Variants in ZC3HAV1 observed in about 807,000 individuals in gnomAD.
ZC3HAV1 encodes the protein zinc finger CCCH-type containing, antiviral 1.
ZC3HAV1 carries 41 observed loss-of-function variants against 86.6 expected under a neutral mutation model. The ratio of observed to expected loss-of-function variants is 0.47; its 90% CI spans 0.37 to 0.61. ZC3HAV1 has a LOEUF of 0.61. Ranked by LOEUF, ZC3HAV1 falls within the 20% of genes least tolerant of loss-of-function variation. ZC3HAV1 has a pLI of 0.00. For missense variants in ZC3HAV1, 964 were observed against 1,141.1 expected (o/e 0.84, Z 2.24); for synonymous variants, 421 against 432.1 (o/e 0.97, Z 0.32).
rs1818019028 is a variant in ZC3HAV1 at position 139,108,934 on chromosome 7, G to A, written c.308+90C>T. The A allele has an allele frequency of 1.3e-5, 19 of 1,432,146 alleles. No individual in the cohort carries two copies. In the South Asian group the frequency reaches 2.6e-4, roughly 20 times the overall value. 88.7% of individuals were successfully genotyped at this position (1,432,146 alleles called of 1,614,324 possible). On this transcript the variant is annotated intron_variant, in intron 1 of 12. Coordinates refer to ENST00000242351, the MANE Select transcript of ZC3HAV1 (RefSeq NM_020119.4). The surrounding 1 kb of genome is among the most constrained non-coding windows in gnomAD (Gnocchi z 4.2). Reference sequence around the variant, plus strand: ...AGGCTGTCAGGTGCGGGGTCCCGGCGAAGCCGTGCCCCTCCCAGAACATTG... The same window carrying A: ...AGGCTGTCAGGTGCGGGGTCCCGGCAAAGCCGTGCCCCTCCCAGAACATTG...
intron 2 of ZC3HAV1, among the ~76,000 whole-genome samples, chr7:139,089,015 T>A (rs1311351082): frequency 2.7e-5 from 4 of 147,802 alleles, no homozygotes; most frequent in Non-Finnish European, 3.0e-5. Context: ...GGCAGGAGAA[T>A]TGCTTAAACC....
At chr7:139,064,161 A>G (rs1205088668) in intron 8 of ZC3HAV1, among the ~76,000 whole-genome samples, 2 of 152,266 alleles carry the variant, frequency 1.3e-5, no homozygotes, top group African/African-American at 4.8e-5. Context: ...TAAGCGGTAC[A>G]GGATCCAACT....
rs781290359 is a variant in ZC3HAV1 at position 139,045,120 on chromosome 7, G to A, written c.*2474C>T. 1 of 152,010 alleles carries A rather than the reference G, an allele frequency of 6.6e-6. No homozygotes were observed. Among genetic ancestry groups the A allele is most frequent in the African/African-American group, 2.4e-5 (1 of 41,368 alleles). 9.4% of individuals were successfully genotyped at this position (152,010 alleles called of 1,614,324 possible). A position where few individuals can be genotyped will look rare whatever the true frequency, so the allele number is the denominator to read the frequency against. ...TTATTTCCTCTTTATGTTCATATTA[G>A]TTTTATTTAATTTTTAATTTATTTC... On this transcript the variant is annotated 3_prime_UTR_variant, in exon 13 of 13. Coordinates refer to ENST00000242351, the MANE Select transcript of ZC3HAV1 (RefSeq NM_020119.4).
intron 7 of ZC3HAV1, among the ~76,000 whole-genome samples, chr7:139,067,172 T>A (rs1003166251): frequency 6.6e-6 from 1 of 151,808 alleles, no homozygotes; most frequent in Non-Finnish European, 1.5e-5. Context: ...TTTCAGGGTG[T>A]CCCTTTCCCT....
chr7:139,051,527 C>G (rs547122902), intron 12 of ZC3HAV1, among the ~76,000 whole-genome samples: 1 of 152,074 alleles, frequency 6.6e-6, no homozygotes, highest in Non-Finnish European at 1.5e-5. Context: ...CCACCTCACC[C>G]TGCTGAGTAG....
rs1283481569 is a variant in ZC3HAV1, at chr7:139,073,969, G to A, written c.1759C>T (p.Arg587Ter). Residue 587 changes from arginine (R) to a stop codon, truncating the protein, a stop_gained, in exon 7 of 13, where the codon CGA (arginine) becomes TGA (stop). Transcript: ENST00000242351. LOFTEE classifies it high-confidence loss of function. The stretch of plus-strand genomic sequence containing the variant: ...ACAGAAGAAGGAGTGGAGAGGCGTC[G>A]GATGGGAAAGGAATCACAACTCATT... ...RVMSCDSFPI[R>*]RLSTPSSVTK... is the part of the protein sequence containing the mutation. 7 of 1,613,784 alleles carry A rather than the reference G, an allele frequency of 4.3e-6. No individual in the cohort carries two copies. The highest frequency in any genetic ancestry group is 1.7e-5 in the Admixed American group (1 of 60,000).
At chr7:139,049,094 C>CTTT in intron 12 of ZC3HAV1, among the ~76,000 whole-genome samples, 1 of 146,456 alleles carries the variant, frequency 6.8e-6, no homozygotes, top group Non-Finnish European at 1.5e-5. Context: ...AGAAATCTTG[C>CTTT]TATGTCAGTA....
chr7:139,079,019 G>T, intron 4 of ZC3HAV1: 1 of 1,494,870 alleles, frequency 6.7e-7, no homozygotes, highest in Non-Finnish European at 8.9e-7. Context: ...TAAGAACTGG[G>T]GAACATCCAA....
At chr7:139,076,184 C>T in intron 6 of ZC3HAV1, 102 bp downstream of exon 6, 1 of 1,533,086 alleles carries the variant, frequency 6.5e-7, no homozygotes, top group South Asian at 1.2e-5. Context: ...GAATGGGATT[C>T]TGATGGAAAA....
At chr7:139,058,964 C>G (rs1005863547) in intron 9 of ZC3HAV1, among the ~76,000 whole-genome samples, 2 of 151,902 alleles carry the variant, frequency 1.3e-5, no homozygotes, top group African/African-American at 2.4e-5. Flanking sequence ...TTGAGACTAA[C>G]TGGGAGTATC....
intron 1 of ZC3HAV1, among the ~76,000 whole-genome samples, chr7:139,098,142 G>A (rs985139157): frequency 2.1e-4 from 32 of 151,856 alleles, no homozygotes; most frequent in African/African-American, 7.7e-4. Context: ...TAGAGATGGG[G>A]TTCCACCATC....
chr7:139,096,807 C>T (rs984465038), intron 1 of ZC3HAV1, among the ~76,000 whole-genome samples: 3 of 152,104 alleles, frequency 2.0e-5, no homozygotes, highest in Non-Finnish European at 4.4e-5. Context: ...GTGGTTTGAC[C>T]CCTGCAAATG....
At chr7:139,102,564 G>A (rs1038791688) in intron 1 of ZC3HAV1, among the ~76,000 whole-genome samples, 9 of 152,088 alleles carry the variant, frequency 5.9e-5, no homozygotes, top group African/African-American at 2.2e-4. Context: ...ATAAATGGAG[G>A]CTTGGATACA....
chr7:139,090,086 A>C (rs1364022406), intron 1 of ZC3HAV1, among the ~76,000 whole-genome samples: 1 of 151,628 alleles, frequency 6.6e-6, no homozygotes, highest in Non-Finnish European at 1.5e-5. Context: ...CACCCGGCTA[A>C]TTTTTTGTAT....
At chr7:139,072,940 C>T (rs139586940) in intron 7 of ZC3HAV1, among the ~76,000 whole-genome samples, 1,669 of 152,288 alleles carry the variant, frequency 0.011, 29 homozygotes, top group African/African-American at 0.038. Context: ...GTTCCACCCT[C>T]CCCTCTCATG....
chr7:139,065,172 A>G (rs949584175), intron 7 of ZC3HAV1, among the ~76,000 whole-genome samples, 173 bp from the exon 8 acceptor site: 5 of 152,184 alleles, frequency 3.3e-5, no homozygotes, highest in African/African-American at 1.2e-4. Flanking sequence ...GGTCTTCTCT[A>G]TCATGGTACC....
chr7:139,065,392 G>A (rs963380857), intron 7 of ZC3HAV1, among the ~76,000 whole-genome samples: 6 of 152,134 alleles, frequency 3.9e-5, no homozygotes, highest in African/African-American at 1.4e-4. Flanking sequence ...GAACATCGTG[G>A]GCTATTCTAG....
Position 139,109,047 on chromosome 7 carries a change from C to A in ZC3HAV1, c.285G>T (p.Arg95=). 6.3e-7 allele frequency: 1 copy of A among 1,578,740 alleles called. No homozygotes were observed. The highest frequency in any genetic ancestry group is 8.6e-7 in the Non-Finnish European group (1 of 1,158,986). Residue 95 remains arginine, a synonymous_variant, in exon 1 of 13, where the codon CGG becomes CGT. Coordinates refer to ENST00000242351, the MANE Select transcript of ZC3HAV1 (RefSeq NM_020119.4). ...ACCGCTCGGACTGCGAATAGTTGCA[C>A]CGGCCCAGCAAGTTGAGTTTGCAGA... is the stretch of plus-strand genomic sequence containing the variant. ...LHLCKLNLLG[R]CNYSQSERNL... is the part of the protein sequence containing the mutation.
In ZC3HAV1 at chr7:139,079,859, C is replaced by G; in HGVS notation, c.1082G>C (p.Ser361Thr). The part of the protein sequence containing the change: ...SNSTSAPNWK[S>T]LTSWTNDQGA... ...TTGGTCATTCGTCCAGGATGTGAGG[C>G]TCTTCCAGTTGGGGGCTGATGTTGA... The change falls in exon 4 of 13, where the codon AGC (serine) becomes ACC (threonine). Residue 361 changes from serine to threonine, a missense_variant. Transcript: ENST00000242351. 6.2e-7 allele frequency: 1 copy of G among 1,614,166 alleles called. No homozygotes were observed.
Sources: allele counts gnomAD v4.1 joint callset (sites outside exome capture counted in the v4.1 genomes callset), GRCh38; gene constraint gnomAD v4.1.1; non-coding constraint Gnocchi (gnomAD v3.1); transcripts MANE v1.5; gene names NCBI Gene and HGNC (gene_info 2026-07-23, HGNC 2026-07-21).